NFRKB: variants seen among roughly 807,000 people sequenced by gnomAD.
NFRKB encodes the protein nuclear factor related to kappa-B-binding protein.
A neutral mutation model predicts 135.7 loss-of-function variants in NFRKB; 62 were observed. The ratio of observed to expected loss-of-function variants is 0.46; its 90% confidence interval spans 0.37 to 0.56. The LOEUF (loss-of-function observed/expected upper bound fraction) is 0.56. Ranked by LOEUF, NFRKB falls within the 20% of genes least tolerant of loss-of-function variation. The pLI, the probability that NFRKB is intolerant of heterozygous loss-of-function variation, is 0.00. For synonymous variants in NFRKB, 678 were observed against 635.6 expected (o/e 1.07, Z -1.00); for missense variants, 1,545 against 1,662.0 (o/e 0.93, Z 1.22).
chr11:129,879,063 T>G (rs763105034), intron 13 of NFRKB, among the ~76,000 whole-genome samples: 1 of 152,138 alleles, frequency 6.6e-6, no homozygotes, highest in African/African-American at 2.4e-5. Flanking sequence ...TAGAAAGAGA[T>G]AAGCCCTGTC....
Position 129,874,076 on chromosome 11 carries a change from T to C in NFRKB, c.2279+37A>G. On this transcript the variant is annotated intron_variant, in intron 21 of 26. Transcript: ENST00000682444. The surrounding 1 kb of genome is among the most constrained non-coding windows in gnomAD (Gnocchi z 4.5). The stretch of plus-strand genomic sequence containing the variant: ...ACTTAGGACATGCATACAAAAGAAC[T>C]CTAGAACGAAAAAGCTGAAGAAAAG... 1.3e-6 allele frequency: 2 copies of C among 1,579,966 alleles called. No homozygotes were observed. Among genetic ancestry groups the C allele is most frequent in the Non-Finnish European group, 1.7e-6 (2 of 1,161,294 alleles).
intron 12 of NFRKB, 91 bp from the exon 13 acceptor site, chr11:129,881,599 C>T: frequency 6.3e-7 from 1 of 1,592,956 alleles, no homozygotes; most frequent in Non-Finnish European, 8.6e-7. Context: ...ATTAGAAAAG[C>T]AGGAACCTTC....
intron 13 of NFRKB, among the ~76,000 whole-genome samples, chr11:129,879,433 C>G (rs1948925733): frequency 6.6e-6 from 1 of 152,152 alleles, no homozygotes; most frequent in African/African-American, 2.4e-5. Flanking sequence ...AGTCAGCTAC[C>G]ATCATCACCT....
intron 15 of NFRKB, 46 bp downstream of exon 15, chr11:129,878,263 C>T: frequency 6.3e-7 from 1 of 1,596,954 alleles, no homozygotes; most frequent in Non-Finnish European, 8.6e-7. Flanking sequence ...AGTATCTGAA[C>T]TACAGTTTCC....
intron 2 of NFRKB, chr11:129,893,500 C>T (rs1189853955): frequency 1.0e-5 from 2 of 195,964 alleles, no homozygotes; most frequent in African/African-American, 2.6e-5. Context: ...GCAGAGGGTA[C>T]AATAAGCCGT....
chr11:129,869,902 C>T lies in NFRKB; in HGVS notation c.3123G>A (p.Val1041=). The change falls in exon 24 of 27, where the codon GTG becomes GTA. Residue 1041 remains valine, a synonymous_variant. Transcript: ENST00000682444. The stretch of plus-strand genomic sequence containing the variant: ...GCTTGAGGTCAGGAGTCACTTTGAC[C>T]ACAGTGGTACCTGTTGGAGTGGATG... ...APSSTPTGTT[V]VKVTPDLKPT... is the part of the protein sequence containing the mutation. The T allele has an allele frequency of 6.2e-7, 1 of 1,614,230 alleles. No homozygotes were observed. The highest frequency in any genetic ancestry group is 1.3e-5 in the African/African-American group (1 of 75,062).
At chr11:129,875,042 T>G in intron 18 of NFRKB, 126 bp from the exon 19 acceptor site, 1 of 1,221,618 alleles carries the variant, frequency 8.2e-7, no homozygotes, top group Non-Finnish European at 1.2e-6. Flanking sequence ...TCAGCCTAGC[T>G]GCGTATTCCC....
chr11:129,880,060 G>A (rs761211450), intron 13 of NFRKB, among the ~76,000 whole-genome samples: 3 of 152,078 alleles, frequency 2.0e-5, no homozygotes, highest in Non-Finnish European at 2.9e-5. Flanking sequence ...GGTTGCGTAC[G>A]CCTGTGGTCC....
intron 24 of NFRKB, among the ~76,000 whole-genome samples, chr11:129,866,366 T>C (rs1409282365): frequency 6.6e-6 from 1 of 152,054 alleles, no homozygotes; most frequent in South Asian, 2.1e-4. Flanking sequence ...CATGGCACAG[T>C]GCTGGGCACA....
At chr11:129,883,268 T>C in intron 8 of NFRKB, 62 bp from the exon 9 acceptor site, 2 of 1,273,322 alleles carry the variant, frequency 1.6e-6, no homozygotes, top group South Asian at 2.4e-5. Context: ...CTGAGGTGAC[T>C]TTGCCAATTT....
At chr11:129,882,341 G>T in intron 10 of NFRKB, 110 bp downstream of exon 10, 1 of 1,381,822 alleles carries the variant, frequency 7.2e-7, no homozygotes, top group Non-Finnish European at 9.9e-7. Flanking sequence ...TGGGACTTCA[G>T]GTCTACAAGT....
At position 129,874,561 on chromosome 11, in the gene NFRKB, T is replaced by C. The variant is rs2135646459; in HGVS notation, c.1998A>G (p.Gln666=). Residue 666 remains glutamine, a synonymous_variant, in exon 20 of 27, where the codon CAA becomes CAG. Transcript: ENST00000682444. The surrounding 1 kb of genome is among the most constrained non-coding windows in gnomAD (Gnocchi z 4.5). ...EEEFERIHQA[Q]AAAAKARKAL... ...CTTTTCTGGCTTTAGCTGCAGCTGCTTGTGCTTGGTGAATCCGCTCTGTGA... is the reference window on the plus strand; with the variant it reads ...CTTTTCTGGCTTTAGCTGCAGCTGCCTGTGCTTGGTGAATCCGCTCTGTGA... 6.2e-7 allele frequency: 1 copy of C among 1,614,162 alleles called. No individual in the cohort carries two copies.
chr11:129,888,264 A>C (rs1258808070), intron 4 of NFRKB: 6 of 589,976 alleles, frequency 1.0e-5, no homozygotes, highest in Non-Finnish European at 1.8e-5. Context: ...AATAAAGCAA[A>C]TGGCAAGCTC....
At chr11:129,895,451 C>G (rs1949729759) in intron 1 of NFRKB, 45 bp downstream of exon 1, 1 of 152,638 alleles carries the variant, frequency 6.6e-6, no homozygotes, top group Non-Finnish European at 1.5e-5. Context: ...CCCTCCACTC[C>G]CAGGAGACAC....
intron 13 of NFRKB, among the ~76,000 whole-genome samples, chr11:129,879,451 A>T (rs978943318): frequency 1.3e-5 from 2 of 152,136 alleles, no homozygotes; most frequent in South Asian, 2.1e-4. Context: ...CCTTCAGCTC[A>T]CGGTGGCTTC....
In NFRKB at chr11:129,882,301, G is replaced by C. The variant is rs993560623; in HGVS notation, c.1083-107C>G. ...AGTCATAAAAGAGTTCAAGAAAGGA[G>C]CAAACAATATATTTTCCCAGCAGTA... On this transcript the variant is annotated intron_variant, in intron 10 of 26. Transcript: ENST00000682444. The C allele has an allele frequency of 4.5e-6, 6 of 1,333,610 alleles. No individual in the cohort carries two copies. In the African/African-American group the frequency reaches 5.9e-5, roughly 13 times the overall value. 82.6% of individuals were successfully genotyped at this position (1,333,610 alleles called of 1,614,324 possible).
At chr11:129,866,242 T>C (rs1016892602) in intron 24 of NFRKB, among the ~76,000 whole-genome samples, 11 of 152,154 alleles carry the variant, frequency 7.2e-5, no homozygotes, top group African/African-American at 2.7e-4. Context: ...CTATCTGCTT[T>C]CAACAGGATA....
intron 13 of NFRKB, among the ~76,000 whole-genome samples, chr11:129,880,200 G>GAATA (rs1948963322): frequency 6.6e-6 from 1 of 151,814 alleles, no homozygotes; most frequent in Non-Finnish European, 1.5e-5. Context: ...AAAAATAAAT[G>GAATA]AATAAATAAA....
intron 3 of NFRKB, among the ~76,000 whole-genome samples, chr11:129,890,999 T>C (rs1427742954): frequency 6.6e-6 from 1 of 152,232 alleles, no homozygotes; most frequent in East Asian, 1.9e-4. Context: ...TGTATAACAT[T>C]TATTCATTTC....
Sources: allele counts gnomAD v4.1 joint callset (sites outside exome capture counted in the v4.1 genomes callset), GRCh38; gene constraint gnomAD v4.1.1; non-coding constraint Gnocchi (gnomAD v3.1); transcripts MANE v1.5; gene names NCBI Gene and HGNC (gene_info 2026-07-23, HGNC 2026-07-21).